PTCHD4: variants seen among roughly 807,000 people sequenced by gnomAD.
PTCHD4 encodes patched domain containing 4.
A neutral mutation model predicts 58.1 loss-of-function variants in PTCHD4; 33 were observed. That is an observed-to-expected ratio of 0.57 (90% CI 0.43 to 0.76). PTCHD4 has a LOEUF of 0.76. PTCHD4 is among the 30% of genes least tolerant of loss of function. The pLI is 0.00. For synonymous variants in PTCHD4, 478 were observed against 409.6 expected, an observed-to-expected ratio of 1.17 and a Z score of -2.02; for missense variants, 1,058 against 1,027.1, an observed-to-expected ratio of 1.03 and a Z score of -0.41.
rs956037736 is a variant in PTCHD4, at chr6:47,861,591, A to C, written c.*16712T>G. On this transcript the variant is annotated 3_prime_UTR_variant, in exon 5 of 5. Transcript: ENST00000339488. ...ACATTTATGTCCAACAAACAAAAAA[A>C]TCAGTATAGCAACTTCTATTTATTA... 6.6e-6 allele frequency among the ~76,000 whole-genome samples: 1 copy of C among 151,992 alleles called. No individual in the cohort carries two copies. The highest frequency in any genetic ancestry group is 2.4e-5 in the African/African-American group (1 of 41,428).
At chr6:47,928,516 T>C (rs952919099) in intron 4 of PTCHD4, among the ~76,000 whole-genome samples, 1 of 152,210 alleles carries the variant, frequency 6.6e-6, no homozygotes, top group African/African-American at 2.4e-5. Context: ...TATTAAACTA[T>C]ACCAACAGAT....
intron 4 of PTCHD4, among the ~76,000 whole-genome samples, chr6:47,909,347 C>T (rs1764994019): frequency 6.6e-6 from 1 of 151,924 alleles, no homozygotes; most frequent in South Asian, 2.1e-4. Flanking sequence ...AAAATGCTAA[C>T]CTAAAATGGG....
intron 3 of PTCHD4, among the ~76,000 whole-genome samples, chr6:48,064,109 T>C (rs1764716072): frequency 6.6e-6 from 1 of 152,174 alleles, no homozygotes; most frequent in Non-Finnish European, 1.5e-5. Flanking sequence ...TGGCATATAA[T>C]GGGAATGGCA....
In PTCHD4 at chr6:47,873,272, A is replaced by G. The variant is rs566463289; in HGVS notation, c.*5031T>C. Among the ~76,000 whole-genome samples the G allele has an allele frequency of 2.0e-5, 3 of 151,862 alleles. No homozygotes were observed. The highest frequency in any genetic ancestry group is 2.0e-4 in the Admixed American group (3 of 15,212). ...AACACCACGTGATTCTCTCTGCTGT[A>G]TTCTAAATCACAGAATATGTGGTAT... On this transcript the variant is annotated 3_prime_UTR_variant, in exon 5 of 5. Transcript: ENST00000339488.
At chr6:47,896,448 G>T (rs1379721116) in intron 4 of PTCHD4, among the ~76,000 whole-genome samples, 1 of 152,210 alleles carries the variant, frequency 6.6e-6, no homozygotes, top group Non-Finnish European at 1.5e-5. Context: ...TTTCCATGAA[G>T]AAGGGTTATT....
chr6:48,061,553 A>T (rs912422582), intron 3 of PTCHD4, among the ~76,000 whole-genome samples: 3 of 152,210 alleles, frequency 2.0e-5, no homozygotes, highest in Non-Finnish European at 2.9e-5. Flanking sequence ...AAAGGGGCAT[A>T]TTAATCATCT....
chr6:47,974,572 C>T (rs1344149972), intron 4 of PTCHD4, among the ~76,000 whole-genome samples: 1 of 152,028 alleles, frequency 6.6e-6, no homozygotes, highest in Non-Finnish European at 1.5e-5. Context: ...TGGTCTCTAC[C>T]CACCAGATGT....
chr6:48,004,307 G>T (rs932825840), intron 4 of PTCHD4, among the ~76,000 whole-genome samples: 7 of 152,134 alleles, frequency 4.6e-5, no homozygotes, highest in Admixed American at 4.6e-4. Flanking sequence ...GTGTCAAGCT[G>T]ACTGAAGTGA....
At chr6:47,946,917 C>T (rs937670273) in intron 4 of PTCHD4, among the ~76,000 whole-genome samples, 29 of 152,130 alleles carry the variant, frequency 1.9e-4, no homozygotes, top group African/African-American at 6.5e-4. Context: ...GATCATAGCT[C>T]TTTGCAACCT....
intron 1 of PTCHD4, among the ~76,000 whole-genome samples, chr6:48,079,301 T>C (rs1474141591): frequency 6.6e-6 from 1 of 152,088 alleles, no homozygotes; most frequent in Non-Finnish European, 1.5e-5. Context: ...ATGAATCCCG[T>C]TCCCTGACAA....
At chr6:48,062,444 G>A (rs1390543184) in intron 3 of PTCHD4, among the ~76,000 whole-genome samples, 11 of 151,904 alleles carry the variant, frequency 7.2e-5, no homozygotes, top group African/African-American at 1.5e-4. Flanking sequence ...TGGAGAGAAC[G>A]CTTTCTATCC....
chr6:47,951,208 G>T (rs933092771), intron 4 of PTCHD4, among the ~76,000 whole-genome samples: 2 of 152,130 alleles, frequency 1.3e-5, no homozygotes, highest in African/African-American at 4.8e-5. Flanking sequence ...TAGAAGTTAA[G>T]TATGGGCAGG....
intron 4 of PTCHD4, among the ~76,000 whole-genome samples, chr6:47,950,776 G>T (rs548370289): frequency 6.6e-6 from 1 of 152,230 alleles, no homozygotes; most frequent in South Asian, 2.1e-4. Flanking sequence ...AGGTCACCAA[G>T]CGAGTCAATA....
intron 1 of PTCHD4, among the ~76,000 whole-genome samples, chr6:48,094,195 ATTCT>A (rs1765418514): frequency 6.6e-6 from 1 of 152,212 alleles, no homozygotes; most frequent in South Asian, 2.1e-4. Context: ...GTAGCATCCT[ATTCT>A]TTCTTTCTCT....
Position 47,922,754 on chromosome 6 carries a change from C to T in PTCHD4, c.899-42818G>A, listed in dbSNP as rs79786185. Among the ~76,000 whole-genome samples the T allele has an allele frequency of 5.1e-3, 779 of 152,306 alleles. 8 individuals carry two copies. The highest frequency in any genetic ancestry group is 0.017 in the African/African-American group (718 of 41,576). ...AACAGGACTCTGTGATACAAGGAAA[C>T]ATATAAGGATTCCCTAGCTCAGAGC... is the stretch of plus-strand genomic sequence containing the variant. On this transcript the variant is annotated intron_variant, in intron 4 of 4. Transcript: ENST00000339488.
At chr6:48,014,620 G>C (rs74697106) in intron 3 of PTCHD4, among the ~76,000 whole-genome samples, 9,173 of 152,054 alleles carry the variant, frequency 0.06, 379 homozygotes, top group African/African-American at 0.11. Context: ...TAATAATTAA[G>C]TAATTTTCAG....
rs1255804911 is a variant in PTCHD4 at position 47,856,790 on chromosome 6, T to TA, written c.*21512dup. ...AATTTTATGAACATTTTATACCTAA[T>TA]AAAAAAGTTAAAATAATTAACAGCA... On this transcript the variant is annotated 3_prime_UTR_variant, in exon 5 of 5. Coordinates refer to ENST00000339488, the MANE Select transcript of PTCHD4 (RefSeq NM_001384253.1). 6.6e-6 allele frequency among the ~76,000 whole-genome samples: 1 copy of TA among 152,058 alleles called. No individual in the cohort carries two copies. Among genetic ancestry groups the TA allele is most frequent in the African/African-American group, 2.4e-5 (1 of 41,426 alleles).
At chr6:47,989,937 A>G (rs1195956920) in intron 4 of PTCHD4, among the ~76,000 whole-genome samples, 1 of 152,146 alleles carries the variant, frequency 6.6e-6, no homozygotes, top group Non-Finnish European at 1.5e-5. Flanking sequence ...AGCCACAGAC[A>G]TTCAATGACA....
rs573844996 is a variant in PTCHD4, at chr6:47,930,372, A to G, written c.899-50436T>C. Among the ~76,000 whole-genome samples, 16 of 152,350 alleles carry G rather than the reference A, an allele frequency of 1.1e-4. No individual in the cohort carries two copies. The South Asian group carries it at 2.1e-3, about 20-fold the overall frequency. On this transcript the variant is annotated intron_variant, in intron 4 of 4. Coordinates refer to ENST00000339488, the MANE Select transcript of PTCHD4 (RefSeq NM_001384253.1). Reference sequence around the variant, plus strand: ...GGATCTGATATAAAGTCTGTAAAACAGACATGGATTTTTAAAATATAAATT... The same window carrying G: ...GGATCTGATATAAAGTCTGTAAAACGGACATGGATTTTTAAAATATAAATT...
Sources: gnomAD v4.1 joint callset for allele counts (sites outside exome capture counted in the v4.1 genomes callset) on GRCh38, gnomAD v4.1.1 for gene constraint, MANE v1.5 for transcripts, NCBI Gene and HGNC (gene_info 2026-07-23, HGNC 2026-07-21) for gene names.